Variants in KLKB1 observed in about 807,000 individuals in gnomAD.
The protein encoded by KLKB1 is plasma kallikrein.
KLKB1 carries 58 observed loss-of-function variants against 73.6 expected under a neutral mutation model. The observed-to-expected ratio is 0.79, with a 90% CI of 0.64 to 0.98. The LOEUF is 0.98. Ranked by LOEUF, KLKB1 falls within the 50% of genes least tolerant of loss-of-function variation. The probability of loss-of-function intolerance (pLI) is 0.00; values close to 1 mark genes in which losing one functional copy is unlikely to be tolerated. For missense variants in KLKB1, 737 were observed against 763.8 expected (o/e 0.96, Z 0.41); for synonymous variants, 280 against 258.1 (o/e 1.08, Z -0.81).
chr4:186,220,646 T>A (rs1737014629), intron 2 of KLKB1, among the ~76,000 whole-genome samples: 2 of 152,226 alleles, frequency 1.3e-5, no homozygotes, highest in African/African-American at 4.8e-5. Context: ...TGTTGAACCA[T>A]CCTTGCATCC....
Position 186,252,137 on chromosome 4 carries a change from C to A in KLKB1, c.1265C>A (p.Ser422Ter), listed in dbSNP as rs1334052897. The change falls in exon 11 of 15, where the codon TCA (serine) becomes TAA (stop). Residue 422 changes from serine to a stop codon, truncating the protein, a stop_gained. Coordinates refer to ENST00000264690, the MANE Select transcript of KLKB1 (RefSeq NM_000892.5). LOFTEE classifies it high-confidence loss of function. ...GCTCAGAGGCACCTGTGTGGAGGGT[C>A]ACTCATAGGACACCAGTGGGTCCTC... is the stretch of plus-strand genomic sequence containing the variant. ...LTAQRHLCGG[S>*]LIGHQWVLTA... The A allele has an allele frequency of 6.2e-7, 1 of 1,613,812 alleles. No individual in the cohort carries two copies. The highest frequency in any genetic ancestry group is 8.5e-7 in the Non-Finnish European group (1 of 1,180,032).
At chr4:186,237,039 G>T in intron 5 of KLKB1, 99 bp downstream of exon 5, 1 of 1,180,632 alleles carries the variant, frequency 8.5e-7, no homozygotes, top group Non-Finnish European at 1.3e-6. Context: ...AAACCAAACA[G>T]GGCTTTTATT....
Position 186,245,824 on chromosome 4 carries a change from G to GTTTTTTTTTTTTTTTT in KLKB1, c.599-4407_599-4406insTTTTTTTTTTTTTTTT, listed in dbSNP as rs1402408736. On this transcript the variant is annotated intron_variant, in intron 6 of 14. Transcript: ENST00000264690. ...GGAGTTTTTTTTTGTTTGTTTTTTG[G>GTTTTTTTTTTTTTTTT]TTTTTTTTTTTTAATGTCAGGAGCT... 7.0e-4 allele frequency among the ~76,000 whole-genome samples: 77 copies of GTTTTTTTTTTTTTTTT among 110,008 alleles called. 17 individuals are homozygous for GTTTTTTTTTTTTTTTT. Among genetic ancestry groups the GTTTTTTTTTTTTTTTT allele is most frequent in the Middle Eastern group, 5.7e-3 (1 of 176 alleles). 72.2% of individuals were successfully genotyped at this position (110,008 alleles called of 152,430 possible).
Position 186,254,781 on chromosome 4 carries a change from G to C in KLKB1, c.1489+18G>C. 6.2e-7 allele frequency: 1 copy of C among 1,600,842 alleles called. No individual in the cohort carries two copies. The highest frequency in any genetic ancestry group is 8.6e-7 in the Non-Finnish European group (1 of 1,168,106). ...TTACACTGGTATGTAGCATATGTAA[G>C]AAGGTGGAGAGCAGAATTGCGCTGG... is the stretch of plus-strand genomic sequence containing the variant. On this transcript the variant is annotated intron_variant, in intron 12 of 14. Coordinates refer to ENST00000264690, the MANE Select transcript of KLKB1 (RefSeq NM_000892.5).
chr4:186,237,338 C>T (rs929282202), intron 5 of KLKB1, among the ~76,000 whole-genome samples: 2 of 152,084 alleles, frequency 1.3e-5, no homozygotes, highest in Admixed American at 1.3e-4. Flanking sequence ...ATCTTGTGAT[C>T]CACCCACCTC....
At chr4:186,226,011 G>T (rs1402749305), upstream of KLKB1, among the ~76,000 whole-genome samples, 1 of 151,500 alleles carries the variant, frequency 6.6e-6, no homozygotes. Context: ...TGAGCATGCT[G>T]ATTCTTTCTC....
rs559128517 is a variant in KLKB1 at position 186,233,776 on chromosome 4, A to C, written c.222-176A>C. Among the ~76,000 whole-genome samples the C allele has an allele frequency of 3.3e-5, 5 of 152,344 alleles. No individual in the cohort carries two copies. In the South Asian group the frequency reaches 1.0e-3, roughly 32 times the overall value. ...GTAAAGAAAACGCAGTGATGGAGTTAGATATTATGGGGTGTTATAAAATTA... is the reference window on the plus strand; with the variant it reads ...GTAAAGAAAACGCAGTGATGGAGTTCGATATTATGGGGTGTTATAAAATTA... On this transcript the variant is annotated intron_variant, in intron 3 of 14. Coordinates refer to ENST00000264690, the MANE Select transcript of KLKB1 (RefSeq NM_000892.5).
intron 4 of KLKB1, among the ~76,000 whole-genome samples, chr4:186,234,795 A>C (rs955034311): frequency 1.3e-5 from 2 of 152,216 alleles, no homozygotes. Flanking sequence ...TATCCTAATA[A>C]ATTTAAGACA....
At chr4:186,251,188 T>C in intron 7 of KLKB1, 31 bp from the exon 8 acceptor site, 1 of 1,471,398 alleles carries the variant, frequency 6.8e-7, no homozygotes, top group Admixed American at 1.7e-5. Flanking sequence ...AATTTCTTTC[T>C]TTCTCTCTTG....
chr4:186,242,447 G>A (rs917197110), intron 6 of KLKB1, among the ~76,000 whole-genome samples: 6 of 152,070 alleles, frequency 3.9e-5, no homozygotes, highest in Admixed American at 6.6e-5. Flanking sequence ...GCTTCGAGCG[G>A]GATTAGGGGC....
rs4253357 is a variant in KLKB1, at chr4:186,242,038, G to A, written c.598+3673G>A. ...TTTTTAATCACCTGGGTGCAGGCAG[G>A]CTGAGTCCGAAAAGAGAGTCAGTGA... On this transcript the variant is annotated intron_variant, in intron 6 of 14. Coordinates refer to ENST00000264690, the MANE Select transcript of KLKB1 (RefSeq NM_000892.5). Among the ~76,000 whole-genome samples, 1,269 of 152,282 alleles carry A rather than the reference G, an allele frequency of 8.3e-3. 25 individuals are homozygous for A. Among genetic ancestry groups the A allele is most frequent in the African/African-American group, 0.029 (1,216 of 41,542 alleles).
chr4:186,241,313 C>T (rs1047381757), intron 6 of KLKB1, among the ~76,000 whole-genome samples: 3 of 152,068 alleles, frequency 2.0e-5, no homozygotes, highest in Non-Finnish European at 2.9e-5. Context: ...CCCTAAGGCT[C>T]CTGGAAGGAG....
chr4:186,214,759 C>T (rs1211423972), intron 2 of KLKB1, among the ~76,000 whole-genome samples: 1 of 152,208 alleles, frequency 6.6e-6, no homozygotes. Context: ...AATCTCTCAT[C>T]TCTAATTACT....
In KLKB1 at chr4:186,258,106, G is replaced by T. The variant is rs138872241; in HGVS notation, c.1811G>T (p.Arg604Leu). 4.8e-5 allele frequency: 78 copies of T among 1,613,978 alleles called. No individual in the cohort carries two copies. The highest frequency in any genetic ancestry group is 6.4e-5 in the Non-Finnish European group (76 of 1,179,936). Residue 604 changes from arginine (R) to leucine (L), a missense_variant, in exon 15 of 15, where the codon CGC becomes CTC. Coordinates refer to ENST00000264690, the MANE Select transcript of KLKB1 (RefSeq NM_000892.5). ...ACCAGCTGGGGTGAAGGCTGTGCCC[G>T]CAGGGAGCAACCTGGTGTCTACACC... ...GITSWGEGCARREQPGVYTKV... is the reference protein window; with the variant it reads ...GITSWGEGCALREQPGVYTKV...
chr4:186,226,733 G>T (rs1737181808), upstream of KLKB1, among the ~76,000 whole-genome samples: 1 of 152,218 alleles, frequency 6.6e-6, no homozygotes, highest in Non-Finnish European at 1.5e-5. Context: ...CAGCATCTGG[G>T]TCCACATGGC....
At chr4:186,243,042 A>G (rs1738135739) in intron 6 of KLKB1, among the ~76,000 whole-genome samples, 1 of 152,012 alleles carries the variant, frequency 6.6e-6, no homozygotes, top group East Asian at 1.9e-4. Context: ...CTACCCATCC[A>G]GTGAAAGTGT....
At chr4:186,222,102 T>A (rs1737045801), upstream of KLKB1, among the ~76,000 whole-genome samples, 1 of 152,222 alleles carries the variant, frequency 6.6e-6, no homozygotes. Context: ...TTGGTTATCA[T>A]GTGAATGCAA....
chr4:186,238,414 GC>G (rs762136972), intron 6 of KLKB1, 49 bp downstream of exon 6: 5 of 1,294,142 alleles, frequency 3.9e-6, no homozygotes, highest in African/African-American at 1.5e-5. Context: ...TGGAATAGGA[GC>G]CCCCAGAGAC....
intron 2 of KLKB1, among the ~76,000 whole-genome samples, chr4:186,216,611 A>AG (rs1352387031): frequency 2.6e-5 from 4 of 152,118 alleles, no homozygotes; most frequent in Non-Finnish European, 4.4e-5. Context: ...CACGTGTCTA[A>AG]GGGGAGGTTC....
Sources: allele counts gnomAD v4.1 joint callset (sites outside exome capture counted in the v4.1 genomes callset), GRCh38; gene constraint gnomAD v4.1.1; transcripts MANE v1.5; gene names NCBI Gene and HGNC (gene_info 2026-07-23, HGNC 2026-07-21).